Variants in SHPRH observed in about 807,000 individuals in gnomAD.
SHPRH encodes the protein SNF2 histone linker PHD RING helicase.
A neutral mutation model predicts 202.5 loss-of-function variants in SHPRH; 106 were observed. That is an observed-to-expected ratio of 0.52 (90% CI 0.45 to 0.62). The LOEUF is 0.62. Ranked by LOEUF, SHPRH falls within the 20% of genes least tolerant of loss-of-function variation. SHPRH has a pLI of 0.00. For missense variants in SHPRH, 1,710 were observed against 2,020.0 expected, an observed-to-expected ratio of 0.85 and a Z score of 2.94; for synonymous variants, 729 against 686.0, an observed-to-expected ratio of 1.06 and a Z score of -0.98.
In SHPRH at chr6:145,924,886, T is replaced by A. The variant is rs73582109; in HGVS notation, c.3295-40A>T. ...AGAATATAAACTTTCACTCCCAATCTAGAATATAATTCAGTATGATGTTTC... is the reference window on the plus strand; with the variant it reads ...AGAATATAAACTTTCACTCCCAATCAAGAATATAATTCAGTATGATGTTTC... On this transcript the variant is annotated intron_variant, in intron 16 of 29. Coordinates refer to ENST00000275233, the MANE Select transcript of SHPRH (RefSeq NM_001042683.3). The A allele has an allele frequency of 2.0e-3, 3,035 of 1,485,546 alleles. 44 individuals carry two copies. In the African/African-American group the frequency reaches 0.035, roughly 17 times the overall value. 92.0% of individuals were successfully genotyped at this position (1,485,546 alleles called of 1,614,324 possible).
At chr6:145,871,797 T>G (rs1780067104) in intron 2 of SHPRH, among the ~76,000 whole-genome samples, 2 of 152,126 alleles carry the variant, frequency 1.3e-5, no homozygotes, top group Non-Finnish European at 2.9e-5. Flanking sequence ...CTTCAAACTA[T>G]ACGATAGGGC....
At chr6:145,882,073 G>A (rs1019143124), downstream of SHPRH, among the ~76,000 whole-genome samples, 1 of 150,524 alleles carries the variant, frequency 6.6e-6, no homozygotes, top group African/African-American at 2.5e-5. Context: ...TTCACCCTGG[G>A]TAACAGAGAC....
chr6:145,933,716 A>T (rs1400959789), intron 13 of SHPRH, among the ~76,000 whole-genome samples: 1 of 152,238 alleles, frequency 6.6e-6, no homozygotes, highest in Non-Finnish European at 1.5e-5. Context: ...TATAATTTTC[A>T]TCATTTCCCT....
At chr6:145,877,101 A>G (rs916374601) in intron 2 of SHPRH, 1 of 152,202 alleles carries the variant, frequency 6.6e-6, no homozygotes, top group African/African-American at 2.4e-5. Context: ...GTCATGTGGT[A>G]ACTCCATTTA....
intron 6 of SHPRH, 72 bp from the exon 7 acceptor site, chr6:145,946,413 C>T: frequency 1.6e-6 from 2 of 1,229,586 alleles, no homozygotes; most frequent in Non-Finnish European, 2.2e-6. Context: ...TTGAAATTAA[C>T]TTTCCTTCTT....
intron 1 of SHPRH, among the ~76,000 whole-genome samples, chr6:145,959,328 T>A (rs1788839376): frequency 6.6e-6 from 1 of 152,170 alleles, no homozygotes; most frequent in Non-Finnish European, 1.5e-5. Flanking sequence ...TTATACCATA[T>A]CTTTATTGTA....
intron 27 of SHPRH, 76 bp downstream of exon 27, chr6:145,894,074 G>A: frequency 2.9e-6 from 3 of 1,027,206 alleles, no homozygotes; most frequent in Non-Finnish European, 4.2e-6. Context: ...GACAATAAAT[G>A]TAAGTAAGCT....
Position 145,955,243 on chromosome 6 carries a change from T to C in SHPRH, c.80A>G (p.Glu27Gly). Residue 27 changes from glutamate to glycine, a missense_variant, in exon 2 of 30, where the codon GAG becomes GGG. This residue lies in a region of SHPRH where 459 missense variants were observed against 426.5 expected (regional missense o/e 1.08). Coordinates refer to ENST00000275233, the MANE Select transcript of SHPRH (RefSeq NM_001042683.3). ...GATGATAGGTTCATTCCTTCTGTCC[T>C]CATGCATATTCCAATGAAGCTGCTG... ...KRQQLHWNMH[E>G]DRRNEPIIIS... is the part of the protein sequence containing the mutation. 6.2e-7 allele frequency: 1 copy of C among 1,613,210 alleles called. No homozygotes were observed. Among genetic ancestry groups the C allele is most frequent in the Non-Finnish European group, 8.5e-7 (1 of 1,179,896 alleles).
chr6:145,909,879 A>T (rs1442450515), intron 25 of SHPRH: 2 of 152,184 alleles, frequency 1.3e-5, no homozygotes, highest in South Asian at 2.1e-4. Flanking sequence ...TCCAGTCTGG[A>T]TATCACATTA....
intron 11 of SHPRH, among the ~76,000 whole-genome samples, chr6:145,937,609 T>C (rs945530664): frequency 2.6e-5 from 4 of 152,148 alleles, no homozygotes; most frequent in African/African-American, 7.2e-5. Context: ...ATCGTTTCAA[T>C]AGCTCCTACT....
At chr6:145,915,073 AATAAATTTT>A (rs1783828180) in intron 23 of SHPRH, among the ~76,000 whole-genome samples, 2 of 148,324 alleles carry the variant, frequency 1.3e-5, no homozygotes, top group East Asian at 1.9e-4. Context: ...ACATTATTTT[AATAAATTTT>A]ATAAATTTTA....
At chr6:145,927,521 T>C (rs1322729055) in intron 14 of SHPRH, among the ~76,000 whole-genome samples, 1 of 151,760 alleles carries the variant, frequency 6.6e-6, no homozygotes, top group Non-Finnish European at 1.5e-5. Flanking sequence ...ATTTTAAAAT[T>C]ATACTGAAAT....
At chr6:145,935,554 A>G (rs1324814450) in intron 11 of SHPRH, 113 bp from the exon 12 acceptor site, 3 of 1,001,582 alleles carry the variant, frequency 3.0e-6, no homozygotes, top group Non-Finnish European at 4.3e-6. Flanking sequence ...GAATTAAAAT[A>G]CAGGCTGTAT....
chr6:145,952,381 ACTTT>A lies in SHPRH; in HGVS notation c.727_730del (p.Lys243Ter). On this transcript the variant is annotated frameshift_variant, in exon 3 of 30. Transcript: ENST00000275233. LOFTEE classifies it high-confidence loss of function. ...AATAGAATTGTGTAACTTTTCCATT[ACTTT>A]CTTCATGAGCTGATTGAACTTTTTC... 6.2e-7 allele frequency: 1 copy of A among 1,607,336 alleles called. No individual in the cohort carries two copies. Among genetic ancestry groups the A allele is most frequent in the Non-Finnish European group, 8.5e-7 (1 of 1,176,722 alleles).
intron 2 of SHPRH, among the ~76,000 whole-genome samples, chr6:145,868,073 T>C (rs1779885234): frequency 6.6e-6 from 1 of 152,166 alleles, no homozygotes; most frequent in Non-Finnish European, 1.5e-5. Flanking sequence ...AGTTGATTTA[T>C]TTTGGGTTGA....
intron 16 of SHPRH, among the ~76,000 whole-genome samples, chr6:145,925,527 CA>C (rs1356318502): frequency 6.6e-6 from 1 of 151,682 alleles, no homozygotes; most frequent in Admixed American, 6.6e-5. Context: ...ACAACCAGTG[CA>C]AAAAGGCTGT....
chr6:145,921,887 T>C (rs1453831987), intron 20 of SHPRH, among the ~76,000 whole-genome samples: 2 of 152,084 alleles, frequency 1.3e-5, no homozygotes, highest in African/African-American at 2.4e-5. Context: ...TGTTTACTTA[T>C]GGTTTCATTA....
At chr6:145,901,191 C>T (rs1243580760) in intron 25 of SHPRH, among the ~76,000 whole-genome samples, 1 of 152,050 alleles carries the variant, frequency 6.6e-6, no homozygotes, top group Non-Finnish European at 1.5e-5. Flanking sequence ...ATACATAACA[C>T]TCTAACGCGT....
At chr6:145,862,378 C>T (rs372233798), downstream of SHPRH, among the ~76,000 whole-genome samples, 3 of 151,596 alleles carry the variant, frequency 2.0e-5, no homozygotes, top group East Asian at 3.9e-4. Context: ...GGCGTGAACC[C>T]GGGAGGCGGA....
Sources: allele counts gnomAD v4.1 joint callset (sites outside exome capture counted in the v4.1 genomes callset), GRCh38; gene constraint gnomAD v4.1.1; regional missense constraint gnomAD v4.1.1; transcripts MANE v1.5; gene names NCBI Gene and HGNC (gene_info 2026-07-23, HGNC 2026-07-21).